The following UNC93B1 variants were observed in gnomAD, a reference collection of about 807,000 sequenced individuals.
UNC93B1 encodes protein unc-93 homolog B1.
UNC93B1 carries 33 observed loss-of-function variants against 56.8 expected under a neutral mutation model. That is an observed-to-expected ratio of 0.58 (90% CI 0.44 to 0.78). The LOEUF is 0.78. Ranked by LOEUF, UNC93B1 falls within the 30% of genes least tolerant of loss-of-function variation. The probability of loss-of-function intolerance (pLI) is 0.00; values close to 1 mark genes in which losing one functional copy is unlikely to be tolerated. For synonymous variants in UNC93B1, 334 were observed against 358.6 expected (o/e 0.93, Z 0.77); for missense variants, 673 against 819.5 (o/e 0.82, Z 2.18).
intron 9 of UNC93B1, among the ~76,000 whole-genome samples, chr11:67,994,109 G>C (rs1856895112): frequency 6.6e-6 from 1 of 152,232 alleles, no homozygotes; most frequent in Admixed American, 6.5e-5. Context: ...CCCAACCCAG[G>C]TGTGCAGTGC....
chr11:68,003,848 G>A lies in UNC93B1; in HGVS notation c.97-50C>T, dbSNP rs1233392868. The A allele has an allele frequency of 3.6e-6, 5 of 1,378,486 alleles. No individual in the cohort carries two copies. The South Asian group carries it at 6.6e-5, about 18-fold the overall frequency. 85.4% of individuals were successfully genotyped at this position (1,378,486 alleles called of 1,614,324 possible). On this transcript the variant is annotated intron_variant, in intron 1 of 10. Transcript: ENST00000227471. This position sits in a 1 kb window ranked among gnomAD's most constrained non-coding sequence, Gnocchi z 4.4. ...ACCCGCGATCGCGCCCCGAACCCGT[G>A]TCCCCCGGTGCCCGCCGCCCCCCGG...
intron 3 of UNC93B1, among the ~76,000 whole-genome samples, chr11:68,002,757 G>A (rs1028173358): frequency 2.6e-5 from 4 of 152,190 alleles, no homozygotes; most frequent in Admixed American, 2.6e-4. Flanking sequence ...AGGGTGCCAC[G>A]TGAGGCCCAG....
In UNC93B1 at chr11:67,998,211, A is replaced by G. The variant is rs1051445787; in HGVS notation, c.781+148T>C. On this transcript the variant is annotated intron_variant, in intron 6 of 10. Transcript: ENST00000227471. ...CCTGGCTGGGTCAGATGTCCTAACT[A>G]CTTACTCCTACAGGGCCCTGTGTCT... The G allele has an allele frequency of 1.6e-4, 144 of 886,644 alleles. 1 individual carries two copies. The highest frequency in any genetic ancestry group is 4.9e-4 in the Middle Eastern group (2 of 4,104). The allele number at this position is 886,644 out of a possible 1,614,324, so 54.9% of individuals were successfully genotyped here.
chr11:67,999,633 G>C lies in UNC93B1; in HGVS notation c.440C>G (p.Ala147Gly), dbSNP rs779794160. The C allele has an allele frequency of 2.5e-6, 4 of 1,611,584 alleles. No individual in the cohort carries two copies. The highest frequency in any genetic ancestry group is 3.4e-6 in the Non-Finnish European group (4 of 1,178,964). ...CCAGTAGTTGGTGGAGACAAAGAGGGCGTAGATGCCCACAGCGAGGAACAT... is the reference window on the plus strand; with the variant it reads ...CCAGTAGTTGGTGGAGACAAAGAGGCCGTAGATGCCCACAGCGAGGAACAT... Reference protein sequence around the residue: ...WMMFLAVGIYALFVSTNYWER... With the variant: ...WMMFLAVGIYGLFVSTNYWER... Residue 147 changes from alanine to glycine, a missense_variant, in exon 4 of 11, where the codon GCC becomes GGC. Physicochemically the swap from Ala to Gly is moderately conservative, Grantham distance 60 (BLOSUM62 0). Transcript: ENST00000227471.
At chr11:67,998,296 A>C (rs1856983819) in intron 6 of UNC93B1, 63 bp downstream of exon 6, 1 of 1,577,874 alleles carries the variant, frequency 6.3e-7, no homozygotes, top group Non-Finnish European at 8.7e-7. Flanking sequence ...GTGAGGGCCC[A>C]GTGTCTGCTG....
Position 67,996,761 on chromosome 11 carries a change from A to C in UNC93B1, c.930T>G (p.Ala310=). Residue 310 remains alanine, a synonymous_variant, in exon 8 of 11, where the codon GCT becomes GCG. Coordinates refer to ENST00000227471, the MANE Select transcript of UNC93B1 (RefSeq NM_030930.4). ...GATCGATCTCCTCCGTGGGCCGGTA[A>C]GCGGCTCCGCACAAACCCAGCACCT... The part of the protein sequence containing the change: ...MLLVLGLCGA[A]YRPTEEIDLR... 1 of 1,563,096 alleles carries C rather than the reference A, an allele frequency of 6.4e-7. No individual in the cohort carries two copies. The highest frequency in any genetic ancestry group is 2.4e-5 in the East Asian group (1 of 41,652).
At chr11:67,992,943 G>T (rs1158422803) in intron 10 of UNC93B1, among the ~76,000 whole-genome samples, 1 of 152,048 alleles carries the variant, frequency 6.6e-6, no homozygotes, top group Admixed American at 6.5e-5. Context: ...GATTACAGGC[G>T]TGAGCCACTA....
rs1237616601 is a variant in UNC93B1, at chr11:68,003,576, G to C, written c.238+81C>G. The C allele has an allele frequency of 6.8e-7, 1 of 1,466,774 alleles. No individual in the cohort carries two copies. The highest frequency in any genetic ancestry group is 1.5e-5 in the African/African-American group (1 of 68,046). The allele number at this position is 1,466,774 out of a possible 1,614,324, so 90.9% of individuals were successfully genotyped here. On this transcript the variant is annotated intron_variant, in intron 2 of 10. Transcript: ENST00000227471. This position sits in a 1 kb window ranked among gnomAD's most constrained non-coding sequence, Gnocchi z 4.4. ...GCGGAGGGGAAGTGAGAGCGGGCGGGAGGCGGCGGCCCGCGGTTTCTGTTT... is the reference window on the plus strand; with the variant it reads ...GCGGAGGGGAAGTGAGAGCGGGCGGCAGGCGGCGGCCCGCGGTTTCTGTTT...
rs1856835059 is a variant in UNC93B1, at chr11:67,991,287, C to T, written c.*259G>A. 7.7e-6 allele frequency: 3 copies of T among 389,320 alleles called. No individual in the cohort carries two copies. Among genetic ancestry groups the T allele is most frequent in the Non-Finnish European group, 1.4e-5 (3 of 221,352 alleles). The allele number at this position is 389,320 out of a possible 1,614,324, so 24.1% of individuals were successfully genotyped here. A position where few individuals can be genotyped will look rare whatever the true frequency, so the allele number is the denominator to read the frequency against. On this transcript the variant is annotated 3_prime_UTR_variant, in exon 11 of 11. Transcript: ENST00000227471. Reference sequence around the variant, plus strand: ...CCGTGCTCCGGCGCTGGGGCGCGTGCTAAGGGCCCGCGGGGTTTCAGCTGT... The same window carrying T: ...CCGTGCTCCGGCGCTGGGGCGCGTGTTAAGGGCCCGCGGGGTTTCAGCTGT...
chr11:67,996,040 G>T, intron 8 of UNC93B1, 156 bp from the exon 9 acceptor site: 2 of 525,298 alleles, frequency 3.8e-6, no homozygotes, highest in Non-Finnish European at 6.2e-6. Flanking sequence ...CATCGTGGGG[G>T]GTGCCTCACC....
At position 68,003,519 on chromosome 11, in the gene UNC93B1, C is replaced by T; in HGVS notation, c.238+138G>A. ...CTTGACCCCCCAACCCCACCCCCGC[C>T]GCGGGGGGCCGTGGCTGCAGCTGCG... is the stretch of plus-strand genomic sequence containing the variant. On this transcript the variant is annotated intron_variant, in intron 2 of 10. Transcript: ENST00000227471. The surrounding 1 kb of genome is among the most constrained non-coding windows in gnomAD (Gnocchi z 4.4). 7.7e-7 allele frequency: 1 copy of T among 1,293,914 alleles called. No homozygotes were observed. The highest frequency in any genetic ancestry group is 1.7e-5 in the South Asian group (1 of 59,112). The allele number at this position is 1,293,914 out of a possible 1,614,324, so 80.2% of individuals were successfully genotyped here.
In UNC93B1 at chr11:67,999,685, G is replaced by A. The variant is rs764345017; in HGVS notation, c.393-5C>T. 8 of 1,609,592 alleles carry A rather than the reference G, an allele frequency of 5.0e-6. No individual in the cohort carries two copies. The highest frequency in any genetic ancestry group is 4.0e-5 in the African/African-American group (3 of 74,806). On this transcript the variant is annotated splice_region_variant and splice_polypyrimidine_tract_variant and intron_variant, in intron 3 of 10. Coordinates refer to ENST00000227471, the MANE Select transcript of UNC93B1 (RefSeq NM_030930.4). ...ATCCACTTCGTTCCAAAAAACCTGC[G>A]GACAGTGGGAGAGATGCTGGCACCA...
chr11:67,997,904 G>A lies in UNC93B1; in HGVS notation c.782-105C>T, dbSNP rs376117357. On this transcript the variant is annotated intron_variant, in intron 6 of 10. Coordinates refer to ENST00000227471, the MANE Select transcript of UNC93B1 (RefSeq NM_030930.4). Reference sequence around the variant, plus strand: ...AGGCCGCGGAGGAGCGGTGGAGGGCGGGAGAGTGAGAGCAAGGGCAGAGTT... The same window carrying A: ...AGGCCGCGGAGGAGCGGTGGAGGGCAGGAGAGTGAGAGCAAGGGCAGAGTT... 1.9e-5 allele frequency: 29 copies of A among 1,493,270 alleles called. No individual in the cohort carries two copies. In the African/African-American group the frequency reaches 2.8e-4, roughly 14 times the overall value. The allele number at this position is 1,493,270 out of a possible 1,614,324, so 92.5% of individuals were successfully genotyped here.
At position 67,997,809 on chromosome 11, in the gene UNC93B1, G is replaced by A; in HGVS notation, c.782-10C>T. ...CCGTGGCTGTTGGTGCCTGGGAAGG[G>A]TGGGGGTGAGGGCACCGTGAGCAGA... On this transcript the variant is annotated splice_polypyrimidine_tract_variant and intron_variant, in intron 6 of 10. Coordinates refer to ENST00000227471, the MANE Select transcript of UNC93B1 (RefSeq NM_030930.4). 1.9e-6 allele frequency: 3 copies of A among 1,604,594 alleles called. No homozygotes were observed.
Position 67,993,888 on chromosome 11 carries a change from A to G in UNC93B1, c.1364-94T>C, listed in dbSNP as rs906774146. 52 of 873,552 alleles carry G rather than the reference A, an allele frequency of 6.0e-5. No individual in the cohort carries two copies. In the African/African-American group the frequency reaches 6.7e-4, roughly 11 times the overall value. The allele number at this position is 873,552 out of a possible 1,614,324, so 54.1% of individuals were successfully genotyped here. ...ATCTACGAACTTTACTAAGCCCTGT[A>G]TGGGTCCCAGCCCCGGACCAGAGAG... On this transcript the variant is annotated intron_variant, in intron 9 of 10. Coordinates refer to ENST00000227471, the MANE Select transcript of UNC93B1 (RefSeq NM_030930.4).
chr11:67,996,046 T>G, intron 8 of UNC93B1, 162 bp from the exon 9 acceptor site: 4 of 453,260 alleles, frequency 8.8e-6, no homozygotes, highest in Non-Finnish European at 1.5e-5. Flanking sequence ...GGGGGGTGCC[T>G]CACCCCCCTG....
chr11:67,999,441 T>C, intron 4 of UNC93B1, 78 bp downstream of exon 4: 2 of 1,544,930 alleles, frequency 1.3e-6, no homozygotes, highest in Non-Finnish European at 8.7e-7. Flanking sequence ...CTTCCTGTGG[T>C]CCCCCAGCCA....
Position 67,995,854 on chromosome 11 carries a change from G to T in UNC93B1, c.1120C>A (p.Arg374=). The T allele has an allele frequency of 6.5e-7, 1 of 1,535,806 alleles. No homozygotes were observed. Among genetic ancestry groups the T allele is most frequent in the Non-Finnish European group, 8.7e-7 (1 of 1,143,094 alleles). ...GYGVCSVGLE[R]LAYLLVAYSL... ...TAAGCCACGAGGAGGTAAGCCAGCC[G>T]CTCCAGCCCCACCGAGCACACGCCA... The change falls in exon 9 of 11, where the codon CGG becomes AGG. Residue 374 remains arginine (R), a synonymous_variant. Transcript: ENST00000227471.
chr11:68,002,893 GA>G lies in UNC93B1; in HGVS notation c.392+128del, dbSNP rs1857068806. ...CCCTTCACTCTCAGGCTTCCGGGTA[GA>G]AAAAAACCTCTCCCTTGTTCCCTCG... On this transcript the variant is annotated intron_variant, in intron 3 of 10. Transcript: ENST00000227471. 6.3e-6 allele frequency: 8 copies of G among 1,270,082 alleles called. No homozygotes were observed. In the South Asian group the frequency reaches 8.1e-5, roughly 13 times the overall value. The allele number at this position is 1,270,082 out of a possible 1,614,324, so 78.7% of individuals were successfully genotyped here.
Sources: allele counts gnomAD v4.1 joint callset (sites outside exome capture counted in the v4.1 genomes callset), GRCh38; gene constraint gnomAD v4.1.1; non-coding constraint Gnocchi (gnomAD v3.1); transcripts MANE v1.5; gene names NCBI Gene and HGNC (gene_info 2026-07-23, HGNC 2026-07-21).